The following CADPS variants were observed in gnomAD, a reference collection of about 807,000 sequenced individuals.
CADPS encodes the protein calcium dependent secretion activator, also known as calcium-dependent secretion activator 1.
Under a neutral mutation model 167.3 loss-of-function variants are expected in CADPS, and 57 were observed. The ratio of observed to expected loss-of-function variants is 0.34; its 90% CI spans 0.28 to 0.42. The LOEUF (loss-of-function observed/expected upper bound fraction) is 0.42, where lower values mean the gene tolerates loss of function less well. Ranked by LOEUF, CADPS falls within the 20% of genes least tolerant of loss-of-function variation. The pLI is 1.00. For missense variants in CADPS, 1,414 were observed against 1,738.1 expected, an observed-to-expected ratio of 0.81 and a Z score of 3.32; for synonymous variants, 676 against 635.3, an observed-to-expected ratio of 1.06 and a Z score of -0.96.
intron 4 of CADPS, among the ~76,000 whole-genome samples, chr3:62,657,290 T>G (rs1355683736): frequency 6.6e-6 from 1 of 152,164 alleles, no homozygotes; most frequent in East Asian, 1.9e-4. Context: ...TTTTCATATT[T>G]AAAACGACGG....
At chr3:62,571,423 T>A (rs544458590) in intron 8 of CADPS, among the ~76,000 whole-genome samples, 1 of 152,180 alleles carries the variant, frequency 6.6e-6, no homozygotes, top group South Asian at 2.1e-4. Context: ...CATAGGAAGG[T>A]CTCCCCACTT....
Position 62,497,177 on chromosome 3 carries a change from T to C in CADPS, c.2706+1985A>G, listed in dbSNP as rs115462617. Among the ~76,000 whole-genome samples the C allele has an allele frequency of 8.7e-3, 1,332 of 152,332 alleles. 17 individuals are homozygous for C. Among genetic ancestry groups the C allele is most frequent in the African/African-American group, 0.03 (1,239 of 41,576 alleles). On this transcript the variant is annotated intron_variant, in intron 18 of 29. Coordinates refer to ENST00000383710, the MANE Select transcript of CADPS (RefSeq NM_003716.4). ...CTTGTTTAGCATATAAGCCCTCCTT[T>C]GGTGTTTCTTTTGAGCAATTTAGAA...
chr3:62,536,223 G>C, intron 12 of CADPS: 1 of 418,258 alleles, frequency 2.4e-6, no homozygotes, highest in East Asian at 3.5e-5. Flanking sequence ...GCTAAGATAG[G>C]GAGGCTGGGG....
intron 1 of CADPS, among the ~76,000 whole-genome samples, chr3:62,820,621 T>C (rs746841772): frequency 4.6e-5 from 7 of 152,174 alleles, no homozygotes; most frequent in African/African-American, 1.7e-4. Flanking sequence ...AGGCCTGGCA[T>C]TAATAACAAT....
At chr3:62,426,208 T>A (rs913248098) in intron 28 of CADPS, among the ~76,000 whole-genome samples, 1 of 152,208 alleles carries the variant, frequency 6.6e-6, no homozygotes. Flanking sequence ...TGGAGTACAG[T>A]GGCACGATCT....
At chr3:62,400,780 A>G (rs1263357590) in intron 29 of CADPS, among the ~76,000 whole-genome samples, 2 of 151,840 alleles carry the variant, frequency 1.3e-5, no homozygotes, top group Non-Finnish European at 2.9e-5. Context: ...TTGTATTTTT[A>G]GTAGAGACAG....
intron 1 of CADPS, among the ~76,000 whole-genome samples, chr3:62,832,634 A>T (rs1308701367): frequency 1.3e-5 from 2 of 152,226 alleles, no homozygotes; most frequent in African/African-American, 4.8e-5. Context: ...AGAAACGGAG[A>T]GCAGAGAAGA....
intron 28 of CADPS, among the ~76,000 whole-genome samples, chr3:62,413,260 TGGAACTTTTGAGTATAGA>T (rs2049323643): frequency 6.6e-6 from 1 of 152,080 alleles, no homozygotes; most frequent in African/African-American, 2.4e-5. Context: ...TACTCAAAAG[TGGAACTTTTGAGTATAGA>T]TGCAAAAACA....
chr3:62,467,476 C>A (rs1438786455), intron 24 of CADPS, among the ~76,000 whole-genome samples: 2 of 152,044 alleles, frequency 1.3e-5, no homozygotes, highest in Non-Finnish European at 2.9e-5. Flanking sequence ...ATTCTGATAA[C>A]TGGCAATCAG....
intron 6 of CADPS, among the ~76,000 whole-genome samples, chr3:62,618,574 T>C (rs551515550): frequency 6.6e-6 from 1 of 152,300 alleles, no homozygotes; most frequent in South Asian, 2.1e-4. Context: ...CGCCTATCCG[T>C]ATTTCTTCAC....
At chr3:62,747,879 T>C (rs1280926394) in intron 3 of CADPS, among the ~76,000 whole-genome samples, 3 of 151,366 alleles carry the variant, frequency 2.0e-5, no homozygotes, top group Non-Finnish European at 4.4e-5. Context: ...AAGGGAAGAG[T>C]GTGATCAGTA....
intron 2 of CADPS, among the ~76,000 whole-genome samples, chr3:62,759,793 A>T (rs1035919102): frequency 6.6e-6 from 1 of 152,060 alleles, no homozygotes; most frequent in African/African-American, 2.4e-5. Flanking sequence ...ATTTTTCTAC[A>T]TTGTCTGTTT....
intron 17 of CADPS, among the ~76,000 whole-genome samples, chr3:62,506,766 G>A (rs1475614394): frequency 1.3e-5 from 2 of 152,164 alleles, no homozygotes; most frequent in African/African-American, 4.8e-5. Flanking sequence ...ACTGGCTCTG[G>A]GGTTAGCATG....
At chr3:62,780,066 G>T (rs1255502138) in intron 1 of CADPS, among the ~76,000 whole-genome samples, 1 of 152,014 alleles carries the variant, frequency 6.6e-6, no homozygotes, top group Non-Finnish European at 1.5e-5. Context: ...TATTTCATAG[G>T]GTTTTTTTTT....
At chr3:62,818,924 C>G (rs1332404441) in intron 1 of CADPS, among the ~76,000 whole-genome samples, 2 of 152,020 alleles carry the variant, frequency 1.3e-5, no homozygotes, top group East Asian at 3.9e-4. Context: ...AAAACCCAAA[C>G]ACAAAAGATC....
intron 9 of CADPS, among the ~76,000 whole-genome samples, chr3:62,560,306 A>G (rs2078923096): frequency 6.6e-6 from 1 of 152,196 alleles, no homozygotes; most frequent in Non-Finnish European, 1.5e-5. Flanking sequence ...TTAAACTTCC[A>G]CAAGACCACA....
intron 17 of CADPS, among the ~76,000 whole-genome samples, chr3:62,505,259 A>C (rs932566206): frequency 6.6e-6 from 1 of 152,170 alleles, no homozygotes; most frequent in African/African-American, 2.4e-5. Context: ...TGATTCTCCA[A>C]TATCCACTCC....
At position 62,532,939 on chromosome 3, in the gene CADPS, G is replaced by C; in HGVS notation, c.2223C>G (p.Gly741=). 1 of 1,613,736 alleles carries C rather than the reference G, an allele frequency of 6.2e-7. No homozygotes were observed. Among genetic ancestry groups the C allele is most frequent in the South Asian group, 1.1e-5 (1 of 91,068 alleles). The change falls in exon 13 of 30, where the codon GGC becomes GGG. Residue 741 remains glycine (G), a synonymous_variant. Transcript: ENST00000383710. ...LRDLLERAEN[G]AMIDPTLLHY... The stretch of plus-strand genomic sequence containing the variant: ...GAAGAAGGGTGGGGTCGATCATGGC[G>C]CCATTTTCTGCCCGTTCAAGCAAGT...
At chr3:62,445,734 ACCCCATGAG>A (rs757338133) in intron 27 of CADPS, 22 bp downstream of exon 27, 7 of 1,430,680 alleles carry the variant, frequency 4.9e-6, no homozygotes, top group African/African-American at 1.5e-5. Flanking sequence ...AAACAAAAAA[ACCCCATGAG>A]AAACAATTTT....
Sources: gnomAD v4.1 joint callset for allele counts (sites outside exome capture counted in the v4.1 genomes callset) on GRCh38, gnomAD v4.1.1 for gene constraint, MANE v1.5 for transcripts, NCBI Gene and HGNC (gene_info 2026-07-23, HGNC 2026-07-21) for gene names.